Variants in BNC2 observed in about 807,000 individuals in gnomAD.
BNC2 encodes the protein zinc finger protein basonuclin-2.
Under a neutral mutation model 76.3 loss-of-function variants are expected in BNC2, and 20 were observed. The ratio of observed to expected loss-of-function variants is 0.26; its 90% CI spans 0.18 to 0.38. The LOEUF (loss-of-function observed/expected upper bound fraction) is 0.38. BNC2 is among the 10% of genes least tolerant of loss of function. BNC2 has a pLI of 1.00. For missense variants in BNC2, 1,382 were observed against 1,399.8 expected (o/e 0.99, Z 0.20); for synonymous variants, 582 against 514.8 (o/e 1.13, Z -1.77).
At chr9:16,678,556 G>C (rs535013298) in intron 3 of BNC2, among the ~76,000 whole-genome samples, 1 of 151,278 alleles carries the variant, frequency 6.6e-6, no homozygotes, top group Non-Finnish European at 1.5e-5. Flanking sequence ...GAGCCACCGC[G>C]CCTGGCCATG....
intron 1 of BNC2, among the ~76,000 whole-genome samples, chr9:16,819,777 C>A (rs943241775): frequency 1.3e-5 from 2 of 152,142 alleles, no homozygotes; most frequent in East Asian, 3.9e-4. Context: ...CTGAAAATAT[C>A]ATCTCATTTA....
chr9:16,735,706 A>G (rs1366954927), intron 2 of BNC2, among the ~76,000 whole-genome samples: 2 of 151,718 alleles, frequency 1.3e-5, no homozygotes, highest in African/African-American at 4.8e-5. Context: ...CCAAACCCTG[A>G]CCAGGCCAGG....
chr9:16,660,210 T>G (rs960248074), intron 3 of BNC2, among the ~76,000 whole-genome samples: 1 of 152,182 alleles, frequency 6.6e-6, no homozygotes, highest in African/African-American at 2.4e-5. Flanking sequence ...ATCCCAGCAC[T>G]TCGGGAGGCC....
intron 1 of BNC2, among the ~76,000 whole-genome samples, chr9:16,785,978 G>A (rs1435217272): frequency 9.2e-5 from 14 of 152,132 alleles, no homozygotes; most frequent in Non-Finnish European, 1.8e-4. Context: ...TGAGGAAGCT[G>A]AAAGGAAGGC....
chr9:16,674,902 T>C (rs1422014828), intron 3 of BNC2, among the ~76,000 whole-genome samples: 3 of 152,204 alleles, frequency 2.0e-5, no homozygotes, highest in Admixed American at 6.5e-5. Flanking sequence ...AATGGCAGTT[T>C]TGAAACAGAT....
intron 1 of BNC2, among the ~76,000 whole-genome samples, chr9:16,860,768 C>A (rs1340854576): frequency 6.6e-6 from 1 of 152,192 alleles, no homozygotes; most frequent in African/African-American, 2.4e-5. Context: ...CGGGGCTGGG[C>A]GTGGTGGCTC....
chr9:16,857,954 C>T (rs1395586381), intron 1 of BNC2, among the ~76,000 whole-genome samples: 1 of 152,136 alleles, frequency 6.6e-6, no homozygotes, highest in Non-Finnish European at 1.5e-5. Context: ...TCTAATTCAA[C>T]GATGAGGTAT....
intron 3 of BNC2, among the ~76,000 whole-genome samples, chr9:16,650,904 C>T (rs1012096563): frequency 2.0e-5 from 3 of 152,092 alleles, no homozygotes; most frequent in East Asian, 1.9e-4. Flanking sequence ...ATGTGCTATA[C>T]GTAATGCAAA....
At chr9:16,845,191 G>A (rs1036965644) in intron 1 of BNC2, among the ~76,000 whole-genome samples, 1 of 152,044 alleles carries the variant, frequency 6.6e-6, no homozygotes, top group Non-Finnish European at 1.5e-5. Context: ...GTGTAAATTC[G>A]GATTTCTATC....
At chr9:16,513,228 T>C (rs1054211786) in intron 5 of BNC2, among the ~76,000 whole-genome samples, 1 of 150,438 alleles carries the variant, frequency 6.6e-6, no homozygotes, top group Non-Finnish European at 1.5e-5. Context: ...TATTTTCCCC[T>C]CAAAATGTGA....
intron 1 of BNC2, among the ~76,000 whole-genome samples, chr9:16,770,795 G>A (rs183708131): frequency 1.3e-5 from 2 of 151,944 alleles, no homozygotes; most frequent in South Asian, 2.1e-4. Context: ...ACCCCAGGAG[G>A]TGAAGGCTGC....
intron 5 of BNC2, among the ~76,000 whole-genome samples, chr9:16,438,795 C>A (rs57310704): frequency 2.0e-5 from 3 of 151,962 alleles, no homozygotes; most frequent in Non-Finnish European, 2.9e-5. Context: ...AAAGGGTGAT[C>A]GACGTTACCA....
chr9:16,782,966 T>C (rs1210723587), intron 1 of BNC2, among the ~76,000 whole-genome samples: 1 of 152,158 alleles, frequency 6.6e-6, no homozygotes, highest in Non-Finnish European at 1.5e-5. Flanking sequence ...CAGGGGTGTT[T>C]CATATAATGA....
intron 3 of BNC2, among the ~76,000 whole-genome samples, chr9:16,645,812 G>C (rs1821607530): frequency 6.6e-6 from 1 of 152,146 alleles, no homozygotes. Flanking sequence ...TAATCACCCA[G>C]CACTTCTGTC....
chr9:16,453,561 C>T (rs1205665288), intron 5 of BNC2, among the ~76,000 whole-genome samples: 1 of 152,196 alleles, frequency 6.6e-6, no homozygotes, highest in South Asian at 2.1e-4. Context: ...TTTCCATTCA[C>T]TCCTTTCACC....
chr9:16,537,188 G>A (rs972002964), intron 5 of BNC2, among the ~76,000 whole-genome samples: 3 of 152,002 alleles, frequency 2.0e-5, no homozygotes, highest in Non-Finnish European at 4.4e-5. Context: ...TATTCTGCAG[G>A]AAAATATGCT....
At chr9:16,806,425 G>A (rs1319318606) in intron 1 of BNC2, among the ~76,000 whole-genome samples, 4 of 152,086 alleles carry the variant, frequency 2.6e-5, no homozygotes, top group Admixed American at 2.0e-4. Context: ...GCAGAGGAAC[G>A]GAGTGCTATT....
chr9:16,833,008 G>A (rs1344206398), intron 1 of BNC2, among the ~76,000 whole-genome samples: 1 of 151,806 alleles, frequency 6.6e-6, no homozygotes, highest in Non-Finnish European at 1.5e-5. Context: ...ACAGGTGTAA[G>A]CCCCCCCGCC....
intron 5 of BNC2, among the ~76,000 whole-genome samples, chr9:16,538,736 T>C (rs1818204928): frequency 6.6e-6 from 1 of 152,210 alleles, no homozygotes; most frequent in African/African-American, 2.4e-5. Context: ...GGTTGAAATT[T>C]ACGTTAGTCA....
Sources: allele counts gnomAD v4.1 joint callset (sites outside exome capture counted in the v4.1 genomes callset), GRCh38; gene constraint gnomAD v4.1.1; transcripts MANE v1.5; gene names NCBI Gene and HGNC (gene_info 2026-07-23, HGNC 2026-07-21).